CDH4: variants seen among roughly 807,000 people sequenced by gnomAD.
CDH4 encodes the protein cadherin 4.
A neutral mutation model predicts 86.0 loss-of-function variants in CDH4; 33 were observed. The observed-to-expected ratio is 0.38, with a 90% CI of 0.29 to 0.51. CDH4 has a LOEUF of 0.51. CDH4 is among the 20% of genes least tolerant of loss of function. The pLI is 0.86. For missense variants in CDH4, 1,114 were observed against 1,307.4 expected, an observed-to-expected ratio of 0.85 and a Z score of 2.28; for synonymous variants, 555 against 549.4, an observed-to-expected ratio of 1.01 and a Z score of -0.14.
At chr20:61,605,445 CTCTCTT>C (rs1568709176) in intron 2 of CDH4, among the ~76,000 whole-genome samples, 1 of 151,902 alleles carries the variant, frequency 6.6e-6, no homozygotes, top group Non-Finnish European at 1.5e-5. Context: ...GTCTCCCTCT[CTCTCTT>C]TCTCTGTCTC....
chr20:61,869,900 G>A (rs1183745967), intron 6 of CDH4, among the ~76,000 whole-genome samples: 1 of 152,206 alleles, frequency 6.6e-6, no homozygotes, highest in Non-Finnish European at 1.5e-5. Context: ...GGAGAGCTGG[G>A]CCCCAGTGGG....
At chr20:61,886,009 G>C (rs1276339608) in intron 7 of CDH4, among the ~76,000 whole-genome samples, 1 of 152,220 alleles carries the variant, frequency 6.6e-6, no homozygotes, top group African/African-American at 2.4e-5. Flanking sequence ...ACTGGCTCTG[G>C]CTCACCCAGA....
intron 2 of CDH4, among the ~76,000 whole-genome samples, chr20:61,660,854 C>T (rs2087246868): frequency 6.6e-6 from 1 of 152,172 alleles, no homozygotes; most frequent in African/African-American, 2.4e-5. Context: ...GCCTCTTTGC[C>T]CGGTTTCCAC....
At chr20:61,850,100 A>G (rs972056087) in intron 5 of CDH4, among the ~76,000 whole-genome samples, 3 of 152,226 alleles carry the variant, frequency 2.0e-5, no homozygotes, top group African/African-American at 7.2e-5. Context: ...ACAAGTGCTC[A>G]CTGCTGGCTT....
At chr20:61,416,009 T>C (rs935688156) in intron 2 of CDH4, among the ~76,000 whole-genome samples, 1,766 of 27,876 alleles carry the variant, frequency 0.063, 12 homozygotes, top group Middle Eastern at 0.16. Flanking sequence ...CTCTCCTTCC[T>C]TTTTTTTTTT....
intron 2 of CDH4, among the ~76,000 whole-genome samples, chr20:61,555,702 T>C (rs1936203): frequency 0.32 from 48,895 of 152,194 alleles, 8,381 homozygotes; most frequent in East Asian, 0.49. Context: ...TGGACCCATG[T>C]GGTGAGTTAT....
intron 2 of CDH4, among the ~76,000 whole-genome samples, chr20:61,292,975 G>C (rs561231343): frequency 5.3e-5 from 8 of 152,132 alleles, no homozygotes; most frequent in Non-Finnish European, 1.0e-4. Flanking sequence ...CTTTGAGTCT[G>C]TGTGCTGCCG....
chr20:61,460,198 C>G (rs1244529940), intron 2 of CDH4, among the ~76,000 whole-genome samples: 1 of 152,236 alleles, frequency 6.6e-6, no homozygotes, highest in African/African-American at 2.4e-5. Flanking sequence ...ATAATAAACA[C>G]TGAATAGCCA....
chr20:61,755,348 CAT>C (rs2088549498), intron 3 of CDH4, among the ~76,000 whole-genome samples: 2 of 148,856 alleles, frequency 1.3e-5, no homozygotes, highest in South Asian at 2.2e-4. Context: ...ACACCACACA[CAT>C]AGTGCATGCC....
At chr20:61,920,087 T>TGTGTGGAA (rs2054955908) in intron 9 of CDH4, among the ~76,000 whole-genome samples, 3 of 2,188 alleles carry the variant, frequency 1.4e-3, no homozygotes, top group South Asian at 0.016. Context: ...TCACGGTGAT[T>TGTGTGGAA]GCGTGGAAGC....
rs1037693078 is a variant in CDH4, at chr20:61,392,544, T to G, written c.169+137607T>G. ...CAGTGCTTGTCATGGCCTTGAGTAT[T>G]TATTGAGTAGTTTCAAAAGTTCATT... On this transcript the variant is annotated intron_variant, in intron 2 of 15. Coordinates refer to ENST00000614565, the MANE Select transcript of CDH4 (RefSeq NM_001794.5). This position sits in a 1 kb window ranked among gnomAD's most constrained non-coding sequence, Gnocchi z 5.7. 6.6e-6 allele frequency among the ~76,000 whole-genome samples: 1 copy of G among 152,208 alleles called. No individual in the cohort carries two copies. The highest frequency in any genetic ancestry group is 1.5e-5 in the Non-Finnish European group (1 of 68,040).
At chr20:61,527,440 G>C (rs538335023) in intron 2 of CDH4, among the ~76,000 whole-genome samples, 1 of 152,292 alleles carries the variant, frequency 6.6e-6, no homozygotes, top group South Asian at 2.1e-4. Context: ...AGTAGAGACA[G>C]GGTTTCACCC....
At position 61,879,676 on chromosome 20, in the gene CDH4, A is replaced by G. The variant is rs907422004; in HGVS notation, c.1050+5776A>G. ...CCTATTCATCTGGCGTTGTTTCCTA[A>G]TTAGAATATTTATGGCCTAATGAGG... On this transcript the variant is annotated intron_variant, in intron 7 of 15. Transcript: ENST00000614565. The surrounding 1 kb of genome is among the most constrained non-coding windows in gnomAD (Gnocchi z 4.1). Among the ~76,000 whole-genome samples the G allele has an allele frequency of 6.6e-6, 1 of 152,110 alleles. No individual in the cohort carries two copies. The highest frequency in any genetic ancestry group is 2.4e-5 in the African/African-American group (1 of 41,418).
rs63749041 is a variant in CDH4, at chr20:61,375,570, G to GCTGGTGGTGGTCATAGCA, written c.169+120661_169+120678dup. Among the ~76,000 whole-genome samples the GCTGGTGGTGGTCATAGCA allele has an allele frequency of 2.7e-4, 36 of 132,096 alleles. 1 individual carries two copies. The highest frequency in any genetic ancestry group is 2.0e-3 in the East Asian group (10 of 4,882). 86.7% of individuals were successfully genotyped at this position (132,096 alleles called of 152,430 possible). A position where few individuals can be genotyped will look rare whatever the true frequency, so the allele number is the denominator to read the frequency against. Reference sequence around the variant, plus strand: ...TCTTGGTGGTGGTGATGATGGTGGCGCTGGTGGTGGTCATAGCACTGGTGG... The same window carrying GCTGGTGGTGGTCATAGCA: ...TCTTGGTGGTGGTGATGATGGTGGCGCTGGTGGTGGTCATAGCACTGGTGGTGGTCATAGCACTGGTGG... On this transcript the variant is annotated intron_variant, in intron 2 of 15. Coordinates refer to ENST00000614565, the MANE Select transcript of CDH4 (RefSeq NM_001794.5).
At chr20:61,492,909 A>G (rs1344246241) in intron 2 of CDH4, among the ~76,000 whole-genome samples, 2 of 152,234 alleles carry the variant, frequency 1.3e-5, no homozygotes, top group Non-Finnish European at 2.9e-5. Context: ...TGAAGCAGCC[A>G]TGAAAGATGA....
rs1465996921 is a variant in CDH4 at position 61,570,670 on chromosome 20, A to G, written c.170-172893A>G. 4 of 702,286 alleles carry G rather than the reference A, an allele frequency of 5.7e-6. No individual in the cohort carries two copies. The East Asian group carries it at 1.1e-4, about 19-fold the overall frequency. 43.5% of individuals were successfully genotyped at this position (702,286 alleles called of 1,614,324 possible). ...CACAATGGTATTGGGCTGTGGATCCAGAACTCAAGTTCCAGAGGAAAGCGA... is the reference window on the plus strand; with the variant it reads ...CACAATGGTATTGGGCTGTGGATCCGGAACTCAAGTTCCAGAGGAAAGCGA... On this transcript the variant is annotated intron_variant, in intron 2 of 15. Coordinates refer to ENST00000614565, the MANE Select transcript of CDH4 (RefSeq NM_001794.5).
chr20:61,797,699 A>T (rs1979605601), intron 4 of CDH4, among the ~76,000 whole-genome samples: 1 of 152,204 alleles, frequency 6.6e-6, no homozygotes, highest in East Asian at 1.9e-4. Context: ...AGGCAGCAGG[A>T]TTGCTTGAGC....
At chr20:61,292,132 G>A (rs2084325193) in intron 2 of CDH4, among the ~76,000 whole-genome samples, 1 of 152,160 alleles carries the variant, frequency 6.6e-6, no homozygotes, top group African/African-American at 2.4e-5. Flanking sequence ...CCCACTACTG[G>A]ATATATACCC....
chr20:61,404,351 T>G (rs1005048641), intron 2 of CDH4, among the ~76,000 whole-genome samples: 1 of 152,160 alleles, frequency 6.6e-6, no homozygotes, highest in African/African-American at 2.4e-5. Flanking sequence ...AAAGTTGGGT[T>G]AATTTGTTTA....
Sources: allele counts gnomAD v4.1 joint callset (sites outside exome capture counted in the v4.1 genomes callset), GRCh38; gene constraint gnomAD v4.1.1; non-coding constraint Gnocchi (gnomAD v3.1); transcripts MANE v1.5; gene names NCBI Gene and HGNC (gene_info 2026-07-23, HGNC 2026-07-21).